GAB1: variants seen among roughly 807,000 people sequenced by gnomAD.
GAB1 encodes GRB2-associated-binding protein 1.
GAB1 carries 19 observed loss-of-function variants against 66.5 expected under a neutral mutation model. The ratio of observed to expected loss-of-function variants is 0.29; its 90% CI spans 0.20 to 0.42. GAB1 has a LOEUF of 0.42. GAB1 is among the 10% of genes least tolerant of loss of function. The probability of loss-of-function intolerance (pLI) is 1.00; values close to 1 mark genes in which losing one functional copy is unlikely to be tolerated. For synonymous variants in GAB1, 294 were observed against 301.4 expected (o/e 0.98, Z 0.25); for missense variants, 732 against 858.5 (o/e 0.85, Z 1.84).
chr4:143,391,317 T>C (rs2149686829), intron 1 of GAB1: 1 of 152,258 alleles, frequency 6.6e-6, no homozygotes. Flanking sequence ...GTCTTTTAAG[T>C]ATTGAACTTC....
In GAB1 at chr4:143,438,614, G is replaced by T. The variant is rs1330253847; in HGVS notation, c.1195+14G>T. 6.2e-7 allele frequency: 1 copy of T among 1,606,810 alleles called. No homozygotes were observed. ...AATTGCGAAAAGGTCAGCTCTAGTT[G>T]ACTTCTTCTCTATTAGAGGTTAATG... On this transcript the variant is annotated intron_variant, in intron 4 of 9. Coordinates refer to ENST00000262994, the MANE Select transcript of GAB1 (RefSeq NM_002039.4).
intron 1 of GAB1, among the ~76,000 whole-genome samples, chr4:143,339,540 T>C (rs1199558714): frequency 6.6e-6 from 1 of 152,148 alleles, no homozygotes; most frequent in Non-Finnish European, 1.5e-5. Context: ...TAAAGGTCCT[T>C]TCAGATTATA....
intron 1 of GAB1, among the ~76,000 whole-genome samples, chr4:143,353,684 A>C (rs201193954): frequency 2.6e-5 from 4 of 151,890 alleles, no homozygotes; most frequent in Admixed American, 2.6e-4. Flanking sequence ...AAAAAAAAAA[A>C]AGAGAGAGAG....
intron 1 of GAB1, among the ~76,000 whole-genome samples, chr4:143,367,524 A>G (rs529708708): frequency 4.6e-5 from 7 of 150,762 alleles, no homozygotes; most frequent in African/African-American, 1.2e-4. Flanking sequence ...TGGACATGCC[A>G]TATTTGGATA....
chr4:143,425,653 A>G (rs912889962), intron 2 of GAB1: 28 of 760,984 alleles, frequency 3.7e-5, no homozygotes, highest in South Asian at 2.3e-4. Flanking sequence ...CTCTACTTCT[A>G]CAGAGATCCT....
intron 3 of GAB1, among the ~76,000 whole-genome samples, chr4:143,437,277 T>C (rs970070545): frequency 6.6e-6 from 1 of 152,208 alleles, no homozygotes; most frequent in African/African-American, 2.4e-5. Context: ...GTTAGCTTCA[T>C]CTTGTCGTAT....
chr4:143,465,463 C>G (rs1318175146), intron 8 of GAB1, among the ~76,000 whole-genome samples: 1 of 152,106 alleles, frequency 6.6e-6, no homozygotes, highest in Non-Finnish European at 1.5e-5. Context: ...TCTTTTTAAA[C>G]CCAGAAGTTA....
chr4:143,448,331 T>C (rs1734686391), intron 6 of GAB1, among the ~76,000 whole-genome samples: 1 of 151,908 alleles, frequency 6.6e-6, no homozygotes, highest in African/African-American at 2.4e-5. Context: ...GGATTCCCTC[T>C]TTTTCTATTG....
intron 3 of GAB1, among the ~76,000 whole-genome samples, chr4:143,436,578 A>G (rs1733951949): frequency 1.3e-5 from 2 of 152,054 alleles, no homozygotes; most frequent in Admixed American, 1.3e-4. Context: ...TGGCAATGGG[A>G]ATAGAACAAG....
At chr4:143,356,891 A>G (rs935655235) in intron 1 of GAB1, among the ~76,000 whole-genome samples, 9 of 152,092 alleles carry the variant, frequency 5.9e-5, no homozygotes, top group African/African-American at 2.2e-4. Context: ...TGCTATTTAG[A>G]ATACTTTCCA....
rs541605832 is a variant in GAB1, at chr4:143,460,900, C to T, written c.1803+413C>T. ...TTTTTATACTCTTCAAGAAAATATA[C>T]GGGCAGCATTTTATGATGCAATTCT... is the stretch of plus-strand genomic sequence containing the variant. On this transcript the variant is annotated intron_variant, in intron 8 of 9. Coordinates refer to ENST00000262994, the MANE Select transcript of GAB1 (RefSeq NM_002039.4). 8.5e-5 allele frequency among the ~76,000 whole-genome samples: 13 copies of T among 152,146 alleles called. 1 individual carries two copies. In the South Asian group the frequency reaches 2.1e-3, roughly 24 times the overall value.
chr4:143,337,727 C>T (rs529820042), intron 1 of GAB1, among the ~76,000 whole-genome samples: 2 of 152,260 alleles, frequency 1.3e-5, no homozygotes, highest in South Asian at 4.1e-4. Flanking sequence ...TCTCCTCCGC[C>T]CCTCGAGATG....
At chr4:143,417,475 T>C (rs999960663) in intron 2 of GAB1, 1 of 403,996 alleles carries the variant, frequency 2.5e-6, no homozygotes, top group Non-Finnish European at 4.9e-6. Context: ...TGGCATGATC[T>C]CTGCTCACTG....
chr4:143,350,220 T>A, intron 1 of GAB1: 2 of 604,618 alleles, frequency 3.3e-6, no homozygotes, highest in Admixed American at 5.8e-5. Context: ...GTGCCTTCTG[T>A]CTGATGGATA....
chr4:143,425,132 C>T, intron 2 of GAB1: 1 of 818,800 alleles, frequency 1.2e-6, no homozygotes. Context: ...TAGGTGGCAC[C>T]AGTCTTGACT....
rs1581203614 is a variant in GAB1 at position 143,337,028 on chromosome 4, G to C, written c.-161G>C. The stretch of plus-strand genomic sequence containing the variant: ...GCCTGCAGAGGAGAGACTCGAACTC[G>C]TGGAACCCGCGCACCGTGGAGTCTG... On this transcript the variant is annotated 5_prime_UTR_variant, in exon 1 of 10. Coordinates refer to ENST00000262994, the MANE Select transcript of GAB1 (RefSeq NM_002039.4). 6 of 630,954 alleles carry C rather than the reference G, an allele frequency of 9.5e-6. No homozygotes were observed. The highest frequency in any genetic ancestry group is 4.3e-4 in the Middle Eastern group (1 of 2,342). The allele number at this position is 630,954 out of a possible 1,614,324, so 39.1% of individuals were successfully genotyped here.
chr4:143,367,076 C>T (rs1245033235), intron 1 of GAB1, among the ~76,000 whole-genome samples: 3 of 152,170 alleles, frequency 2.0e-5, no homozygotes, highest in Non-Finnish European at 2.9e-5. Flanking sequence ...ATAATTGTCT[C>T]TCATTTCAGA....
chr4:143,344,928 C>T (rs1728941102), intron 1 of GAB1, among the ~76,000 whole-genome samples: 1 of 152,210 alleles, frequency 6.6e-6, no homozygotes. Context: ...AGAATTAAGA[C>T]TATGCACTGT....
At chr4:143,457,572 C>T (rs995465469) in intron 6 of GAB1, 11 of 526,036 alleles carry the variant, frequency 2.1e-5, no homozygotes, top group Non-Finnish European at 2.8e-5. Flanking sequence ...TTAGATGTAA[C>T]ATTTTTGCAC....
Sources: gnomAD v4.1 joint callset for allele counts (sites outside exome capture counted in the v4.1 genomes callset) on GRCh38, gnomAD v4.1.1 for gene constraint, MANE v1.5 for transcripts, NCBI Gene and HGNC (gene_info 2026-07-23, HGNC 2026-07-21) for gene names.